Variants in FSTL5 observed in about 807,000 individuals in gnomAD.
FSTL5 encodes the protein follistatin-related protein 5.
Under a neutral mutation model 89.1 loss-of-function variants are expected in FSTL5, and 62 were observed. The observed-to-expected ratio is 0.70, with a 90% CI of 0.57 to 0.86. FSTL5 has a LOEUF of 0.86. FSTL5 is among the 40% of genes least tolerant of loss of function. FSTL5 has a pLI of 0.00. For synonymous variants in FSTL5, 383 were observed against 346.2 expected (o/e 1.11, Z -1.18); for missense variants, 1,057 against 1,001.6 (o/e 1.06, Z -0.75).
At chr4:161,775,060 G>T (rs550383357) in intron 5 of FSTL5, among the ~76,000 whole-genome samples, 1 of 152,114 alleles carries the variant, frequency 6.6e-6, no homozygotes, top group East Asian at 1.9e-4. Flanking sequence ...GCAAAGCTTC[G>T]AAATACTTGT....
intron 3 of FSTL5, among the ~76,000 whole-genome samples, chr4:161,972,258 A>AT (rs1324604357): frequency 1.2e-4 from 18 of 151,746 alleles, no homozygotes; most frequent in Non-Finnish European, 2.9e-5. Context: ...CGCCCAGCTA[A>AT]TTTTTTGTAT....
intron 4 of FSTL5, among the ~76,000 whole-genome samples, chr4:161,847,502 G>GT (rs1455539507): frequency 2.0e-5 from 3 of 152,098 alleles, no homozygotes; most frequent in African/African-American, 4.8e-5. Flanking sequence ...CTCCAGAGCT[G>GT]GCTCTCCAAA....
At chr4:161,865,564 T>C (rs1247512277) in intron 4 of FSTL5, among the ~76,000 whole-genome samples, 1 of 152,134 alleles carries the variant, frequency 6.6e-6, no homozygotes, top group Non-Finnish European at 1.5e-5. Flanking sequence ...GTCAGAAAAA[T>C]CATGATAAGA....
chr4:161,937,367 T>C (rs975776874), intron 3 of FSTL5, among the ~76,000 whole-genome samples: 2 of 152,118 alleles, frequency 1.3e-5, no homozygotes, highest in African/African-American at 4.8e-5. Context: ...ACATAATTAA[T>C]AAAATTATTA....
intron 15 of FSTL5, among the ~76,000 whole-genome samples, chr4:161,449,949 T>A (rs1578983093): frequency 2.6e-5 from 4 of 152,314 alleles, no homozygotes; most frequent in Admixed American, 2.6e-4. Context: ...CTGCTAATTC[T>A]TGCATTTGTG....
chr4:161,972,180 C>T (rs966791435), intron 3 of FSTL5, among the ~76,000 whole-genome samples: 1 of 152,052 alleles, frequency 6.6e-6, no homozygotes, highest in African/African-American at 2.4e-5. Flanking sequence ...GCAACCTCCG[C>T]TTCCCCATTC....
intron 1 of FSTL5, among the ~76,000 whole-genome samples, chr4:162,131,575 A>C (rs1732302488): frequency 6.6e-6 from 1 of 152,154 alleles, no homozygotes; most frequent in Non-Finnish European, 1.5e-5. Flanking sequence ...ATTTACAGAG[A>C]TTATAGTAAT....
intron 3 of FSTL5, among the ~76,000 whole-genome samples, chr4:162,025,121 A>G (rs1411264814): frequency 6.6e-6 from 1 of 152,134 alleles, no homozygotes; most frequent in Non-Finnish European, 1.5e-5. Flanking sequence ...TAAAAACAAG[A>G]TAAGAATAGT....
chr4:161,515,120 T>C (rs1730772320), intron 10 of FSTL5, among the ~76,000 whole-genome samples: 1 of 152,164 alleles, frequency 6.6e-6, no homozygotes. Flanking sequence ...TTCCATTTTA[T>C]ATACAAAGTT....
At chr4:161,513,272 G>GGGGGAGAGAGAGAGA (rs1349844190) in intron 10 of FSTL5, among the ~76,000 whole-genome samples, 2 of 109,978 alleles carry the variant, frequency 1.8e-5, no homozygotes, top group African/African-American at 7.0e-5. Context: ...ACAAGGAGGG[G>GGGGGAGAGAGAGAGA]GAGAGAGAGA....
At chr4:161,745,262 C>T (rs1740158556) in intron 6 of FSTL5, among the ~76,000 whole-genome samples, 1 of 152,094 alleles carries the variant, frequency 6.6e-6, no homozygotes. Context: ...AATATTCGTA[C>T]ACCTCAAAGG....
At chr4:161,399,685 T>C (rs1214461872) in intron 15 of FSTL5, among the ~76,000 whole-genome samples, 2 of 152,142 alleles carry the variant, frequency 1.3e-5, no homozygotes, top group Admixed American at 1.3e-4. Context: ...TGGTCAAGAA[T>C]ACTTGAGCAC....
chr4:161,708,378 A>G (rs924253084), intron 6 of FSTL5, among the ~76,000 whole-genome samples: 4 of 152,026 alleles, frequency 2.6e-5, no homozygotes, highest in South Asian at 2.1e-4. Flanking sequence ...CTAAAATAGC[A>G]TCAGTATATT....
chr4:162,035,505 TA>T (rs1008627239), intron 2 of FSTL5: 1 of 151,962 alleles, frequency 6.6e-6, no homozygotes, highest in Non-Finnish European at 1.5e-5. Context: ...TTGTCAAAAA[TA>T]TTAAGGAGAT....
chr4:161,939,336 A>G (rs747693908), intron 3 of FSTL5, among the ~76,000 whole-genome samples: 3 of 152,006 alleles, frequency 2.0e-5, no homozygotes, highest in African/African-American at 7.2e-5. Context: ...TGCTTATATT[A>G]TGGTACTTAT....
intron 4 of FSTL5, among the ~76,000 whole-genome samples, chr4:161,857,965 A>G (rs1208573457): frequency 1.3e-5 from 2 of 152,168 alleles, no homozygotes; most frequent in African/African-American, 4.8e-5. Flanking sequence ...CTGGGCAACA[A>G]TTTAAGTTCC....
chr4:161,416,076 ATATAG>A (rs1731770645), intron 15 of FSTL5, among the ~76,000 whole-genome samples: 2 of 152,124 alleles, frequency 1.3e-5, no homozygotes, highest in African/African-American at 4.8e-5. Context: ...TCATCAACCT[ATATAG>A]ATGGAATGGC....
intron 10 of FSTL5, among the ~76,000 whole-genome samples, chr4:161,520,717 A>G (rs1730994430): frequency 6.6e-6 from 1 of 152,174 alleles, no homozygotes; most frequent in African/African-American, 2.4e-5. Flanking sequence ...GTGATAGAGC[A>G]CCCAGAAATC....
At chr4:162,063,656 C>T (rs1738795090) in intron 2 of FSTL5, among the ~76,000 whole-genome samples, 1 of 151,716 alleles carries the variant, frequency 6.6e-6, no homozygotes, top group African/African-American at 2.4e-5. Context: ...TCATAAATTC[C>T]TGTTGATTTA....
Sources: allele counts gnomAD v4.1 joint callset (sites outside exome capture counted in the v4.1 genomes callset), GRCh38; gene constraint gnomAD v4.1.1; transcripts MANE v1.5; gene names NCBI Gene and HGNC (gene_info 2026-07-23, HGNC 2026-07-21).